The following ITGAV variants were observed in gnomAD, a reference collection of about 807,000 sequenced individuals.
The protein encoded by ITGAV is integrin alpha-V.
A neutral mutation model predicts 143.8 loss-of-function variants in ITGAV; 76 were observed. The observed-to-expected ratio is 0.53, with a 90% CI of 0.44 to 0.64. ITGAV has a LOEUF of 0.64. Ranked by LOEUF, ITGAV falls within the 30% of genes least tolerant of loss-of-function variation. ITGAV has a pLI of 0.00. For synonymous variants in ITGAV, 453 were observed against 446.7 expected (o/e 1.01, Z -0.18); for missense variants, 1,193 against 1,274.7 (o/e 0.94, Z 0.98).
intron 3 of ITGAV, 33 bp from the exon 4 acceptor site, chr2:186,625,440 T>G (rs1687645204): frequency 7.0e-7 from 1 of 1,431,370 alleles, no homozygotes; most frequent in Non-Finnish European, 9.8e-7. Context: ...TTTTAGAAAA[T>G]CTTCGTGTCG....
chr2:186,624,675 A>G (rs1216656330), intron 3 of ITGAV, among the ~76,000 whole-genome samples: 1 of 152,202 alleles, frequency 6.6e-6, no homozygotes, highest in Non-Finnish European at 1.5e-5. Context: ...TTGGTAGATT[A>G]CTATGTTGTT....
At chr2:186,656,580 T>C (rs554807396) in intron 17 of ITGAV, among the ~76,000 whole-genome samples, 179 bp downstream of exon 17, 3 of 152,322 alleles carry the variant, frequency 2.0e-5, no homozygotes, top group Non-Finnish European at 4.4e-5. Flanking sequence ...TTCTGGCAGA[T>C]TGGATATTCC....
intron 7 of ITGAV, 71 bp downstream of exon 7, chr2:186,636,278 T>A (rs999250831): frequency 2.5e-6 from 3 of 1,197,218 alleles, no homozygotes; most frequent in South Asian, 3.2e-5. Context: ...TATGGTCTTT[T>A]AAGTAGAAAA....
rs201118268 is a variant in ITGAV, at chr2:186,679,318, G to T, written c.*2026G>T. 24 of 151,832 alleles carry T rather than the reference G, an allele frequency of 1.6e-4. No individual in the cohort carries two copies. The highest frequency in any genetic ancestry group is 5.8e-4 in the African/African-American group (24 of 41,400). The allele number at this position is 151,832 out of a possible 1,614,324, so 9.4% of individuals were successfully genotyped here. ...TGGCATCTATCTTGAAAGTAATCTT[G>T]TATTGGAGATTGAAAGATGCTGTAA... is the stretch of plus-strand genomic sequence containing the variant. On this transcript the variant is annotated 3_prime_UTR_variant, in exon 30 of 30. Coordinates refer to ENST00000261023, the MANE Select transcript of ITGAV (RefSeq NM_002210.5).
intron 3 of ITGAV, among the ~76,000 whole-genome samples, chr2:186,624,538 A>G (rs867670499): frequency 2.0e-4 from 30 of 152,274 alleles, no homozygotes; most frequent in African/African-American, 6.0e-4. Flanking sequence ...ACCTACTTTC[A>G]CTGTTTTCAG....
chr2:186,651,835 A>G, intron 14 of ITGAV, 147 bp from the exon 15 acceptor site: 1 of 559,126 alleles, frequency 1.8e-6, no homozygotes. Context: ...ACCTACGGTT[A>G]TGTTGTTCCT....
intron 2 of ITGAV, among the ~76,000 whole-genome samples, chr2:186,612,244 T>C (rs568255457): frequency 1.3e-5 from 2 of 152,204 alleles, no homozygotes; most frequent in Non-Finnish European, 2.9e-5. Context: ...GCCATGTTTC[T>C]TAGTAATGTG....
intron 20 of ITGAV, 39 bp downstream of exon 20, chr2:186,664,680 CG>C (rs1559066413): frequency 1.2e-6 from 2 of 1,611,954 alleles, no homozygotes; most frequent in Admixed American, 1.7e-5. Context: ...AATGCACTCA[CG>C]GATCTTATTA....
chr2:186,623,585 A>T (rs1321783694), intron 3 of ITGAV, among the ~76,000 whole-genome samples: 1 of 152,122 alleles, frequency 6.6e-6, no homozygotes, highest in East Asian at 1.9e-4. Flanking sequence ...ATAATCCCCA[A>T]ATCTATACCT....
chr2:186,614,048 A>G (rs1445356087), intron 2 of ITGAV, among the ~76,000 whole-genome samples: 1 of 152,146 alleles, frequency 6.6e-6, no homozygotes, highest in Non-Finnish European at 1.5e-5. Context: ...CTTTACATGT[A>G]AGAGATGAAA....
chr2:186,600,694 C>T (rs1686877137), intron 1 of ITGAV, among the ~76,000 whole-genome samples: 2 of 152,220 alleles, frequency 1.3e-5, no homozygotes. Flanking sequence ...CACAGTGGCT[C>T]ACGCCTGTAA....
intron 17 of ITGAV, among the ~76,000 whole-genome samples, chr2:186,657,910 CATTCAAG>C (rs1371913249): frequency 3.3e-5 from 5 of 151,898 alleles, no homozygotes; most frequent in African/African-American, 9.7e-5. Flanking sequence ...ATCTATCAAA[CATTCAAG>C]AACAAGACTT....
chr2:186,663,850 A>G lies in ITGAV; in HGVS notation c.1925+15A>G. The G allele has an allele frequency of 1.3e-6, 2 of 1,572,042 alleles. No homozygotes were observed. The highest frequency in any genetic ancestry group is 2.2e-5 in the South Asian group (2 of 89,814). Reference sequence around the variant, plus strand: ...TCTGTAGATAGGTAAGTTTTGCTTGAAATAATAATGTAGTAAGAAATTTAA... The same window carrying G: ...TCTGTAGATAGGTAAGTTTTGCTTGGAATAATAATGTAGTAAGAAATTTAA... On this transcript the variant is annotated intron_variant, in intron 19 of 29. Coordinates refer to ENST00000261023, the MANE Select transcript of ITGAV (RefSeq NM_002210.5).
rs766303973 is a variant in ITGAV, at chr2:186,590,324, G to T, written c.-15G>T. Reference sequence around the variant, plus strand: ...GCTACCGCTCCCGGCTTGGCGTCCCGCGCGCACTTCGGCGATGGCTTTTCC... The same window carrying T: ...GCTACCGCTCCCGGCTTGGCGTCCCTCGCGCACTTCGGCGATGGCTTTTCC... On this transcript the variant is annotated 5_prime_UTR_variant, in exon 1 of 30. Coordinates refer to ENST00000261023, the MANE Select transcript of ITGAV (RefSeq NM_002210.5). The T allele has an allele frequency of 5.8e-6, 9 of 1,562,440 alleles. No homozygotes were observed. Among genetic ancestry groups the T allele is most frequent in the Non-Finnish European group, 7.8e-6 (9 of 1,158,108 alleles).
At position 186,627,261 on chromosome 2, in the gene ITGAV, A is replaced by G. The variant is rs138019119; in HGVS notation, c.523+1674A>G. Among the ~76,000 whole-genome samples, 66 of 152,338 alleles carry G rather than the reference A, an allele frequency of 4.3e-4. 1 individual carries two copies. Among genetic ancestry groups the G allele is most frequent in the Middle Eastern group, 3.4e-3 (1 of 294 alleles). On this transcript the variant is annotated intron_variant, in intron 4 of 29. Coordinates refer to ENST00000261023, the MANE Select transcript of ITGAV (RefSeq NM_002210.5). ...ATGACCTACTTTCACTGTTTTCAGG[A>G]TACATATAGAGTAAGTCAGTGTTGA...
intron 6 of ITGAV, among the ~76,000 whole-genome samples, chr2:186,634,877 C>T (rs971515823): frequency 1.3e-5 from 2 of 152,006 alleles, no homozygotes; most frequent in African/African-American, 4.8e-5. Flanking sequence ...AAGGAAGTAT[C>T]TGATGAGCAT....
chr2:186,636,000 CT>C, intron 6 of ITGAV, 81 bp from the exon 7 acceptor site: 1 of 1,177,886 alleles, frequency 8.5e-7, no homozygotes, highest in Non-Finnish European at 1.2e-6. Flanking sequence ...TATTGTTTTC[CT>C]TCATGCAGGT....
intron 1 of ITGAV, among the ~76,000 whole-genome samples, chr2:186,594,089 T>C (rs1167309658): frequency 6.6e-6 from 1 of 152,218 alleles, no homozygotes; most frequent in Admixed American, 6.5e-5. Flanking sequence ...TTCTCAGTCC[T>C]AACTTCATGT....
At chr2:186,650,488 C>T (rs1203329112) in intron 14 of ITGAV, among the ~76,000 whole-genome samples, 2 of 152,164 alleles carry the variant, frequency 1.3e-5, no homozygotes, top group African/African-American at 4.8e-5. Flanking sequence ...TTATGAGCCA[C>T]TGTGCCCAGC....
Sources: gnomAD v4.1 joint callset for allele counts (sites outside exome capture counted in the v4.1 genomes callset) on GRCh38, gnomAD v4.1.1 for gene constraint, MANE v1.5 for transcripts, NCBI Gene and HGNC (gene_info 2026-07-23, HGNC 2026-07-21) for gene names.